UCN3: variants seen among roughly 807,000 people sequenced by gnomAD.
UCN3 encodes the protein urocortin 3.
A neutral mutation model predicts 3.6 loss-of-function variants in UCN3; 3 were observed. The ratio of observed to expected loss-of-function variants is 0.83; its 90% CI spans 0.38 to 2.15. The LOEUF is 2.15. UCN3 is among the 30% of genes most tolerant of loss of function. The pLI is 0.06. For missense variants in UCN3, 206 were observed against 208.3 expected (o/e 0.99, Z 0.07); for synonymous variants, 100 against 93.2 (o/e 1.07, Z -0.42).
At position 5,370,223 on chromosome 10, in the gene UCN3, G is replaced by GTGTGTGTGTATGTGTGTGTATA. The variant is rs781842004; in HGVS notation, c.-6-3490_-6-3489insTGTGTGTATGTGTGTGTATATG. 3.6e-4 allele frequency among the ~76,000 whole-genome samples: 5 copies of GTGTGTGTGTATGTGTGTGTATA among 13,764 alleles called. 2 individuals carry two copies. The highest frequency in any genetic ancestry group is 5.5e-4 in the Non-Finnish European group (5 of 9,044). The allele number at this position is 13,764 out of a possible 152,430, so 9.0% of individuals were successfully genotyped here. Reference sequence around the variant, plus strand: ...TATATGCGTGTGTATGTGTGTGTATGTGCGTGTGTGTATGCGTGTGTGTAT... The same window carrying GTGTGTGTGTATGTGTGTGTATA: ...TATATGCGTGTGTATGTGTGTGTATGTGTGTGTGTATGTGTGTGTATATGCGTGTGTGTATGCGTGTGTGTAT... On this transcript the variant is annotated intron_variant, in intron 1 of 1. Transcript: ENST00000380433.
chr10:5,370,884 CGTGTGT>C (rs1831410071), intron 1 of UCN3, among the ~76,000 whole-genome samples: 1 of 32,380 alleles, frequency 3.1e-5, no homozygotes, highest in East Asian at 9.1e-4. Flanking sequence ...TGTGTATATG[CGTGTGT>C]ATATGCGTGT....
chr10:5,373,583 C>A, intron 1 of UCN3, 132 bp from the exon 2 acceptor site: 2 of 1,406,166 alleles, frequency 1.4e-6, no homozygotes, highest in South Asian at 1.4e-5. Context: ...GCTGATGCTG[C>A]TGGTCTGGGG....
At position 5,365,933 on chromosome 10, in the gene UCN3, T is replaced by C. The variant is rs139730029; in HGVS notation, c.-7+703T>C. Among the ~76,000 whole-genome samples the C allele has an allele frequency of 5.5e-4, 83 of 152,278 alleles. No homozygotes were observed. The highest frequency in any genetic ancestry group is 1.8e-3 in the African/African-American group (73 of 41,556). ...CCTACCTGTGAAGGGGAGATGGATG[T>C]TTGATGTTTATGTTTTCTGAAAATT... is the stretch of plus-strand genomic sequence containing the variant. On this transcript the variant is annotated intron_variant, in intron 1 of 1. Coordinates refer to ENST00000380433, the MANE Select transcript of UCN3 (RefSeq NM_053049.4). This position sits in a 1 kb window ranked among gnomAD's most constrained non-coding sequence, Gnocchi z 4.4.
rs1554810664 is a variant in UCN3, at chr10:5,365,686, C to T, written c.-7+456C>T. On this transcript the variant is annotated intron_variant, in intron 1 of 1. Transcript: ENST00000380433. This position sits in a 1 kb window ranked among gnomAD's most constrained non-coding sequence, Gnocchi z 4.4. ...ACTTACTGTTTACCTGTGCCACAAA[C>T]CTTCACCTGTGCCATCTCCCGTCAC... is the stretch of plus-strand genomic sequence containing the variant. 1.3e-5 allele frequency among the ~76,000 whole-genome samples: 2 copies of T among 152,178 alleles called. No individual in the cohort carries two copies. The highest frequency in any genetic ancestry group is 4.8e-5 in the African/African-American group (2 of 41,444).
intron 1 of UCN3, among the ~76,000 whole-genome samples, chr10:5,371,287 G>A (rs2119110716): frequency 6.6e-6 from 1 of 151,164 alleles, no homozygotes; most frequent in South Asian, 2.1e-4. Flanking sequence ...ATGTATATAT[G>A]TGTGTGCATG....
intron 1 of UCN3, among the ~76,000 whole-genome samples, chr10:5,370,175 A>ATGTGTGTGTGTATGCGTGTGTG (rs1564442465): frequency 1.0e-4 from 5 of 48,740 alleles, no homozygotes; most frequent in Non-Finnish European, 1.4e-4. Flanking sequence ...ATGTGTGTGT[A>ATGTGTGTGTGTATGCGTGTGTG]TATGCGTGTG....
Position 5,365,783 on chromosome 10 carries a change from T to A in UCN3, c.-7+553T>A, listed in dbSNP as rs1409146349. 2.0e-5 allele frequency among the ~76,000 whole-genome samples: 3 copies of A among 152,118 alleles called. No individual in the cohort carries two copies. In the East Asian group the frequency reaches 5.8e-4, roughly 29 times the overall value. On this transcript the variant is annotated intron_variant, in intron 1 of 1. Transcript: ENST00000380433. The surrounding 1 kb of genome is among the most constrained non-coding windows in gnomAD (Gnocchi z 4.4). ...GGCAAGTGAAATGCAGGTTAAGGGA[T>A]TCACCCAAGAAAAGTCAGAGGCAAG...
At chr10:5,368,234 C>A (rs1834134462) in intron 1 of UCN3, among the ~76,000 whole-genome samples, 2 of 152,062 alleles carry the variant, frequency 1.3e-5, no homozygotes, top group African/African-American at 2.4e-5. Context: ...AAACTCCTGA[C>A]CTCAGGTGAT....
rs1834120133 is a variant in UCN3, at chr10:5,366,607, G to C, written c.-7+1377G>C. ...ATCCTAAAAAGAAAAGTCCTGGAAA[G>C]AAATCTGAATCTACCTTCCAGCCCC... On this transcript the variant is annotated intron_variant, in intron 1 of 1. Coordinates refer to ENST00000380433, the MANE Select transcript of UCN3 (RefSeq NM_053049.4). The surrounding 1 kb of genome is among the most constrained non-coding windows in gnomAD (Gnocchi z 4.2). 1.3e-5 allele frequency among the ~76,000 whole-genome samples: 2 copies of C among 152,192 alleles called. No homozygotes were observed. Among genetic ancestry groups the C allele is most frequent in the Admixed American group, 1.3e-4 (2 of 15,286 alleles).
Position 5,370,423 on chromosome 10 carries a change from A to ATG in UCN3, c.-6-3291_-6-3290dup, listed in dbSNP as rs1564442945. On this transcript the variant is annotated intron_variant, in intron 1 of 1. Transcript: ENST00000380433. The stretch of plus-strand genomic sequence containing the variant: ...TGTGTGTGTATATGTGTGTGTGTAT[A>ATG]TGCGTGTGTATATGCGTGTGTATGT... 8.1e-5 allele frequency among the ~76,000 whole-genome samples: 3 copies of ATG among 37,210 alleles called. 1 individual carries two copies. The highest frequency in any genetic ancestry group is 1.1e-4 in the African/African-American group (1 of 9,098). The allele number at this position is 37,210 out of a possible 152,430, so 24.4% of individuals were successfully genotyped here.
rs149656029 is a variant in UCN3, at chr10:5,365,502, G to A, written c.-7+272G>A. 2.2e-4 allele frequency among the ~76,000 whole-genome samples: 33 copies of A among 152,328 alleles called. No individual in the cohort carries two copies. The East Asian group carries it at 6.0e-3, about 28-fold the overall frequency. Reference sequence around the variant, plus strand: ...AGGTGTTAGATCAGAGGCAGAAGGTGTTCACACAAATCTGTTTTCTCTGAA... The same window carrying A: ...AGGTGTTAGATCAGAGGCAGAAGGTATTCACACAAATCTGTTTTCTCTGAA... On this transcript the variant is annotated intron_variant, in intron 1 of 1. Coordinates refer to ENST00000380433, the MANE Select transcript of UCN3 (RefSeq NM_053049.4). The surrounding 1 kb of genome is among the most constrained non-coding windows in gnomAD (Gnocchi z 4.4).
rs1238924622 is a variant in UCN3, at chr10:5,370,658, T to C, written c.-6-3057T>C. The stretch of plus-strand genomic sequence containing the variant: ...ATGTGTGTGTATATGTGTGTGTATG[T>C]GTGTGTATGTGTGTGTATGTGTGTG... On this transcript the variant is annotated intron_variant, in intron 1 of 1. Coordinates refer to ENST00000380433, the MANE Select transcript of UCN3 (RefSeq NM_053049.4). 4.9e-4 allele frequency among the ~76,000 whole-genome samples: 35 copies of C among 71,660 alleles called. 3 individuals carry two copies. The highest frequency in any genetic ancestry group is 1.0e-3 in the African/African-American group (17 of 16,628). 47.0% of individuals were successfully genotyped at this position (71,660 alleles called of 152,430 possible).
chr10:5,374,146 C>T lies in UCN3; in HGVS notation c.426C>T (p.Asn142=), dbSNP rs782432317. The T allele has an allele frequency of 2.4e-5, 39 of 1,613,132 alleles. No individual in the cohort carries two copies. In the African/African-American group the frequency reaches 4.0e-4, roughly 17 times the overall value. ...TCTTCAACATCGCCAAGGCCAAGAA[C>T]CTGCGTGCCCAGGCGGCCGCCAATG... ...NLLFNIAKAK[N]LRAQAAANAH... is the part of the protein sequence containing the mutation. The change falls in exon 2 of 2, where the codon AAC becomes AAT. Residue 142 remains asparagine, a synonymous_variant. Transcript: ENST00000380433.
chr10:5,370,525 G>A (rs62651868), intron 1 of UCN3, among the ~76,000 whole-genome samples: 22,325 of 65,088 alleles, frequency 0.34, 5,555 homozygotes, highest in African/African-American at 0.48. Context: ...GTGTGTGTAT[G>A]TGTGTGTGTA....
rs1279777361 is a variant in UCN3, at chr10:5,370,460, TGTGTGTATATGC to T, written c.-6-3243_-6-3232del. On this transcript the variant is annotated intron_variant, in intron 1 of 1. Coordinates refer to ENST00000380433, the MANE Select transcript of UCN3 (RefSeq NM_053049.4). ...ATGCGTGTGTATGTGTGTGTGTATA[TGTGTGTATATGC>T]GTGTGTATATGTGTGTATGTGTGTG... is the stretch of plus-strand genomic sequence containing the variant. Among the ~76,000 whole-genome samples, 7 of 87,582 alleles carry T rather than the reference TGTGTGTATATGC, an allele frequency of 8.0e-5. 1 individual carries two copies. The highest frequency in any genetic ancestry group is 2.1e-4 in the African/African-American group (5 of 24,250). 57.5% of individuals were successfully genotyped at this position (87,582 alleles called of 152,430 possible).
intron 1 of UCN3, among the ~76,000 whole-genome samples, chr10:5,370,778 CGT>C (rs139294043): frequency 0.12 from 8,780 of 72,260 alleles, 816 homozygotes; most frequent in African/African-American, 0.17. Context: ...TGTGTATATG[CGT>C]GTGTGTGTGT....
chr10:5,370,909 G>C (rs1397297394), intron 1 of UCN3, among the ~76,000 whole-genome samples: 1 of 144,924 alleles, frequency 6.9e-6, no homozygotes, highest in African/African-American at 2.7e-5. Flanking sequence ...GTGTATATGC[G>C]TGTGTATATG....
chr10:5,372,347 G>A (rs1554811628), intron 1 of UCN3, among the ~76,000 whole-genome samples: 1 of 152,194 alleles, frequency 6.6e-6, no homozygotes, highest in South Asian at 2.1e-4. Flanking sequence ...TACTGTGAAG[G>A]AGCCCGGCGG....
intron 1 of UCN3, among the ~76,000 whole-genome samples, chr10:5,372,720 T>C (rs1831447347): frequency 6.7e-6 from 1 of 149,334 alleles, no homozygotes; most frequent in African/African-American, 2.5e-5. Context: ...CAGCTAATTT[T>C]TTTTTTTTTT....
Sources: gnomAD v4.1 joint callset for allele counts (sites outside exome capture counted in the v4.1 genomes callset) on GRCh38, gnomAD v4.1.1 for gene constraint, Gnocchi (gnomAD v3.1) non-coding constraint, MANE v1.5 for transcripts, NCBI Gene and HGNC (gene_info 2026-07-23, HGNC 2026-07-21) for gene names.